TG: variants seen among roughly 807,000 people sequenced by gnomAD.
TG encodes the protein thyroglobulin.
A neutral mutation model predicts 324.7 loss-of-function variants in TG; 270 were observed. The ratio of observed to expected loss-of-function variants is 0.83; its 90% CI spans 0.75 to 0.92. TG has a LOEUF of 0.92. Among genes scored for constraint, TG ranks in the 40% least tolerant of loss-of-function variants. The pLI, the probability that TG is intolerant of heterozygous loss-of-function variation, is 0.00. For missense variants in TG, 3,591 were observed against 3,456.4 expected, an observed-to-expected ratio of 1.04 and a Z score of -0.98; for synonymous variants, 1,401 against 1,327.0, an observed-to-expected ratio of 1.06 and a Z score of -1.21.
intron 29 of TG, among the ~76,000 whole-genome samples, 191 bp downstream of exon 29, chr8:132,963,265 C>G (rs1300937871): frequency 6.6e-6 from 1 of 152,142 alleles, no homozygotes; most frequent in Admixed American, 6.6e-5. Flanking sequence ...GCAATTGTCA[C>G]AGAAAGTAAG....
chr8:133,008,516 C>A (rs896101178), intron 35 of TG, among the ~76,000 whole-genome samples: 14 of 151,468 alleles, frequency 9.2e-5, no homozygotes, highest in African/African-American at 3.2e-4. Context: ...GAAAAAAAAA[C>A]AAAATAAAAA....
At chr8:133,024,386 CTTTCTTTT>C (rs1835872348) in intron 40 of TG, among the ~76,000 whole-genome samples, 1 of 38,346 alleles carries the variant, frequency 2.6e-5, no homozygotes. Context: ...TTCTTTCTTT[CTTTCTTTT>C]TCTTTTTTTA....
intron 35 of TG, among the ~76,000 whole-genome samples, chr8:132,989,463 T>C (rs780085834): frequency 1.3e-5 from 2 of 152,174 alleles, no homozygotes; most frequent in African/African-American, 4.8e-5. Context: ...GAGCGGACTG[T>C]GAAGAAGGCT....
At chr8:132,933,373 C>A (rs1289057992) in intron 23 of TG, among the ~76,000 whole-genome samples, 188 bp from the exon 24 acceptor site, 2 of 8,106 alleles carry the variant, frequency 2.5e-4, no homozygotes, top group Non-Finnish European at 5.3e-4. Context: ...GGTGTGTGTG[C>A]CTGTGTGTGT....
chr8:133,045,637 C>T (rs1340863644), intron 41 of TG, among the ~76,000 whole-genome samples: 3 of 152,022 alleles, frequency 2.0e-5, no homozygotes, highest in South Asian at 4.1e-4. Context: ...TCAAGTGATC[C>T]GCCCACCTCG....
At chr8:132,943,742 A>G (rs1026278758) in intron 26 of TG, among the ~76,000 whole-genome samples, 4 of 152,052 alleles carry the variant, frequency 2.6e-5, no homozygotes, top group East Asian at 1.9e-4. Flanking sequence ...CTCACCCCCA[A>G]ACTGCTTCTA....
intron 45 of TG, among the ~76,000 whole-genome samples, chr8:133,125,448 G>A (rs555587486): frequency 1.3e-5 from 2 of 152,310 alleles, no homozygotes; most frequent in African/African-American, 2.4e-5. Context: ...AAAGGCCAAG[G>A]CCCTAAGTGG....
At chr8:132,964,543 G>C (rs1828257172) in intron 29 of TG, 1 of 232,728 alleles carries the variant, frequency 4.3e-6, no homozygotes, top group South Asian at 8.0e-5. Flanking sequence ...TTGTGTATCA[G>C]GTTACTCCCA....
intron 25 of TG, among the ~76,000 whole-genome samples, chr8:132,936,576 A>T (rs1223704241): frequency 6.6e-6 from 1 of 152,100 alleles, no homozygotes; most frequent in South Asian, 2.1e-4. Flanking sequence ...TTCATTTCAC[A>T]CTCATGGAAA....
chr8:133,087,029 G>C (rs530442287), intron 41 of TG, among the ~76,000 whole-genome samples: 1 of 147,056 alleles, frequency 6.8e-6, no homozygotes, highest in East Asian at 2.1e-4. Context: ...AAAAAGATAG[G>C]CTCAAAAACA....
chr8:133,047,633 T>TC (rs1413507860), intron 41 of TG: 1 of 594,812 alleles, frequency 1.7e-6, no homozygotes, highest in Admixed American at 2.7e-5. Flanking sequence ...CCCAGCCGGC[T>TC]CCCCACTGCC....
chr8:132,943,949 C>T (rs1038227945), intron 26 of TG, among the ~76,000 whole-genome samples: 3 of 152,204 alleles, frequency 2.0e-5, no homozygotes, highest in Non-Finnish European at 2.9e-5. Flanking sequence ...ATTGATAGGT[C>T]CCACCTCCAC....
At chr8:132,920,631 C>T (rs528081211) in intron 21 of TG, among the ~76,000 whole-genome samples, 1 of 152,292 alleles carries the variant, frequency 6.6e-6, no homozygotes, top group African/African-American at 2.4e-5. Flanking sequence ...ACCAGAGAAG[C>T]ACTTTCTTAA....
chr8:133,069,282 T>G (rs1165770327), intron 41 of TG, among the ~76,000 whole-genome samples: 8 of 152,236 alleles, frequency 5.3e-5, no homozygotes, highest in Admixed American at 1.3e-4. Context: ...ACAGCATTAC[T>G]CATAAACTTA....
At chr8:133,123,855 GT>G (rs1851328100) in intron 45 of TG, among the ~76,000 whole-genome samples, 1 of 152,234 alleles carries the variant, frequency 6.6e-6, no homozygotes, top group Admixed American at 6.5e-5. Flanking sequence ...TTTCTCATCT[GT>G]GCAGTGGAGC....
chr8:133,060,084 G>C (rs1246660183), intron 41 of TG: 1 of 1,578,772 alleles, frequency 6.3e-7, no homozygotes, highest in South Asian at 1.2e-5. Context: ...CATCTCACCA[G>C]AGAAGCCAGA....
At chr8:133,021,066 C>T (rs556492896) in intron 39 of TG, among the ~76,000 whole-genome samples, 3 of 152,244 alleles carry the variant, frequency 2.0e-5, no homozygotes, top group Non-Finnish European at 2.9e-5. Flanking sequence ...ATAATAGGGT[C>T]GGCCTACTTC....
At chr8:132,974,736 A>C (rs1829986736) in intron 34 of TG, among the ~76,000 whole-genome samples, 1 of 152,246 alleles carries the variant, frequency 6.6e-6, no homozygotes, top group Non-Finnish European at 1.5e-5. Context: ...CTAACAAATC[A>C]AACCAGTTGG....
intron 27 of TG, among the ~76,000 whole-genome samples, chr8:132,953,256 T>A (rs1826373243): frequency 6.6e-6 from 1 of 152,252 alleles, no homozygotes; most frequent in South Asian, 2.1e-4. Flanking sequence ...TGGGGAGCCC[T>A]TCCCCAGGCT....
Sources: allele counts gnomAD v4.1 joint callset (sites outside exome capture counted in the v4.1 genomes callset), GRCh38; gene constraint gnomAD v4.1.1; transcripts MANE v1.5; gene names NCBI Gene and HGNC (gene_info 2026-07-23, HGNC 2026-07-21).